Variants in HSH2D observed in about 807,000 individuals in gnomAD.
HSH2D encodes the protein hematopoietic SH2 domain containing, also known as hematopoietic SH2 domain-containing protein.
HSH2D carries 16 observed loss-of-function variants against 21.5 expected under a neutral mutation model. The observed-to-expected ratio is 0.74, with a 90% CI of 0.50 to 1.13. HSH2D has a LOEUF of 1.13. Ranked by LOEUF, HSH2D falls within the 50% of genes most tolerant of loss-of-function variation. The probability of loss-of-function intolerance (pLI) is 0.00; values close to 1 mark genes in which losing one functional copy is unlikely to be tolerated. For missense variants in HSH2D, 418 were observed against 441.4 expected (o/e 0.95, Z 0.47); for synonymous variants, 172 against 184.7 (o/e 0.93, Z 0.56).
At chr19:16,139,506 C>T (rs557920481), upstream of HSH2D, among the ~76,000 whole-genome samples, 6 of 152,188 alleles carry the variant, frequency 3.9e-5, no homozygotes, top group South Asian at 4.2e-4. Flanking sequence ...CACTTGAGCC[C>T]GGGAGTTTGA....
upstream of HSH2D, chr19:16,143,590 C>T (rs2091022256): frequency 3.3e-6 from 1 of 299,066 alleles, no homozygotes; most frequent in South Asian, 2.3e-5. Context: ...CTTTGTTGGA[C>T]TGCAGACAGG....
chr19:16,153,361 C>T (rs1267387781), intron 4 of HSH2D, among the ~76,000 whole-genome samples, 153 bp downstream of exon 4: 1 of 152,260 alleles, frequency 6.6e-6, no homozygotes, highest in Non-Finnish European at 1.5e-5. Flanking sequence ...CCCTCTGCCC[C>T]CCACAGCGGT....
At chr19:16,145,997 A>C (rs1399663881) in intron 1 of HSH2D, among the ~76,000 whole-genome samples, 1 of 150,720 alleles carries the variant, frequency 6.6e-6, no homozygotes, top group Non-Finnish European at 1.5e-5. Context: ...AATCACTTGA[A>C]CCTGGGAGGC....
intron 1 of HSH2D, among the ~76,000 whole-genome samples, chr19:16,134,966 A>G (rs1320218935): frequency 6.6e-6 from 1 of 151,842 alleles, no homozygotes; most frequent in Non-Finnish European, 1.5e-5. Flanking sequence ...CTCTAAAAAA[A>G]AAAAAAAAAA....
intron 2 of HSH2D, chr19:16,151,646 T>C (rs1449718605): frequency 4.4e-6 from 2 of 453,722 alleles, no homozygotes; most frequent in Non-Finnish European, 8.8e-6. Flanking sequence ...TTCCAGGCAT[T>C]GGGAAGGGGC....
intron 2 of HSH2D, among the ~76,000 whole-genome samples, chr19:16,149,420 C>T (rs1291273016): frequency 6.6e-6 from 1 of 152,050 alleles, no homozygotes; most frequent in African/African-American, 2.4e-5. Flanking sequence ...CCAGGCTGGT[C>T]TCAAACTCCT....
At chr19:16,152,156 A>G (rs1471357576) in intron 2 of HSH2D, among the ~76,000 whole-genome samples, 1 of 148,542 alleles carries the variant, frequency 6.7e-6, no homozygotes, top group African/African-American at 2.5e-5. Flanking sequence ...GGTGGCTCAC[A>G]CCTATAATCC....
chr19:16,145,792 G>T (rs1453607577), intron 1 of HSH2D, among the ~76,000 whole-genome samples: 1 of 152,022 alleles, frequency 6.6e-6, no homozygotes, highest in Non-Finnish European at 1.5e-5. Flanking sequence ...TTTATGGTGA[G>T]TGGCCGGGCG....
intron 1 of HSH2D, among the ~76,000 whole-genome samples, chr19:16,136,862 C>T (rs1005833033): frequency 2.6e-5 from 4 of 152,216 alleles, no homozygotes; most frequent in Non-Finnish European, 4.4e-5. Context: ...CTAGTCCAAC[C>T]AATCTTTCAC....
intron 2 of HSH2D, among the ~76,000 whole-genome samples, chr19:16,150,096 A>T (rs997846202): frequency 4.6e-5 from 7 of 152,154 alleles, no homozygotes; most frequent in African/African-American, 7.2e-5. Context: ...ATTGCAATTT[A>T]AAAAAATTTT....
At chr19:16,141,622 C>T (rs2091000559), upstream of HSH2D, among the ~76,000 whole-genome samples, 1 of 152,158 alleles carries the variant, frequency 6.6e-6, no homozygotes, top group Non-Finnish European at 1.5e-5. Flanking sequence ...AATGCCAACA[C>T]AGTTGTAAAA....
At chr19:16,147,385 G>A (rs1252008784) in intron 1 of HSH2D, among the ~76,000 whole-genome samples, 1 of 151,082 alleles carries the variant, frequency 6.6e-6, no homozygotes. Context: ...TTGGGGGACT[G>A]AGGTGGGAGA....
chr19:16,135,037 G>T (rs1451089825), intron 1 of HSH2D, among the ~76,000 whole-genome samples: 9 of 149,798 alleles, frequency 6.0e-5, no homozygotes, highest in African/African-American at 2.2e-4. Flanking sequence ...GGGAGGCCGA[G>T]GTGGGTGGTT....
At chr19:16,151,819 A>G (rs1416132549) in intron 2 of HSH2D, among the ~76,000 whole-genome samples, 1 of 151,202 alleles carries the variant, frequency 6.6e-6, no homozygotes, top group Non-Finnish European at 1.5e-5. Context: ...TTCATTTAGA[A>G]AACAGGCCGG....
At chr19:16,135,049 A>G (rs1191418774) in intron 1 of HSH2D, among the ~76,000 whole-genome samples, 1 of 147,542 alleles carries the variant, frequency 6.8e-6, no homozygotes, top group African/African-American at 2.4e-5. Flanking sequence ...TGGGTGGTTC[A>G]CCTGAGGTCA....
rs74965546 is a variant in HSH2D, at chr19:16,157,916, G to A, written c.*122G>A. 12,363 of 700,294 alleles carry A rather than the reference G, an allele frequency of 0.018. 131 individuals carry two copies. The highest frequency in any genetic ancestry group is 0.035 in the Middle Eastern group (86 of 2,492). 43.4% of individuals were successfully genotyped at this position (700,294 alleles called of 1,614,324 possible). On this transcript the variant is annotated 3_prime_UTR_variant, in exon 6 of 6. Transcript: ENST00000613986. The surrounding 1 kb of genome is among the most constrained non-coding windows in gnomAD (Gnocchi z 4.4). ...GGGGGTCTTCGGGAACCCGGGAAAT[G>A]GAATAAAGATGTTTTTGGGGTCTGT...
chr19:16,149,556 C>A (rs551678666), intron 2 of HSH2D, among the ~76,000 whole-genome samples: 9 of 151,550 alleles, frequency 5.9e-5, no homozygotes, highest in African/African-American at 2.2e-4. Context: ...CATCAGGATA[C>A]AACCAATGTG....
Position 16,153,431 on chromosome 19 carries a change from A to AT in HSH2D, c.381+229dup, listed in dbSNP as rs374141865. ...CCTCCAGGCCCATGTCAACAGGCTG[A>AT]TTTTTTATAAGGGTTCATGTGCCAG... On this transcript the variant is annotated intron_variant, in intron 4 of 5. Coordinates refer to ENST00000613986, the MANE Select transcript of HSH2D (RefSeq NM_001382417.1). 2.5e-3 allele frequency among the ~76,000 whole-genome samples: 386 copies of AT among 152,190 alleles called. 2 individuals are homozygous for AT. Among genetic ancestry groups the AT allele is most frequent in the African/African-American group, 9.0e-3 (374 of 41,526 alleles).
rs371210415 is a variant in HSH2D, at chr19:16,135,090, A to C, written c.-324+855A>C. On this transcript the variant is annotated intron_variant, in intron 1 of 7. Transcript: ENST00000616645. ...TCAGAGTTCAAGACCAGCCTGGCCA[A>C]TATGGCAAAACCCCATCTTTACTAA... Among the ~76,000 whole-genome samples, 152 of 152,228 alleles carry C rather than the reference A, an allele frequency of 1.0e-3. 1 individual carries two copies. Among genetic ancestry groups the C allele is most frequent in the African/African-American group, 3.5e-3 (147 of 41,532 alleles).
Sources: allele counts gnomAD v4.1 joint callset (sites outside exome capture counted in the v4.1 genomes callset), GRCh38; gene constraint gnomAD v4.1.1; non-coding constraint Gnocchi (gnomAD v3.1); transcripts MANE v1.5; gene names NCBI Gene and HGNC (gene_info 2026-07-23, HGNC 2026-07-21).